The following FIP1L1 variants were observed in gnomAD, a reference collection of about 807,000 sequenced individuals.
FIP1L1 encodes pre-mRNA 3'-end-processing factor FIP1.
FIP1L1 carries 21 observed loss-of-function variants against 84.6 expected under a neutral mutation model. The ratio of observed to expected loss-of-function variants is 0.25; its 90% CI spans 0.18 to 0.36. The LOEUF is 0.36. Among genes scored for constraint, FIP1L1 ranks in the 10% least tolerant of loss-of-function variants. The probability of loss-of-function intolerance (pLI) is 1.00; values close to 1 mark genes in which losing one functional copy is unlikely to be tolerated. For synonymous variants in FIP1L1, 263 were observed against 242.3 expected, an observed-to-expected ratio of 1.09 and a Z score of -0.80; for missense variants, 526 against 751.1, an observed-to-expected ratio of 0.70 and a Z score of 3.50.
chr4:53,438,153 A>G (rs1228280088), intron 13 of FIP1L1, among the ~76,000 whole-genome samples: 3 of 152,164 alleles, frequency 2.0e-5, no homozygotes, highest in Non-Finnish European at 4.4e-5. Context: ...CAGGAAAATC[A>G]ACATTTTTTT....
chr4:53,444,749 T>C (rs1225754296), intron 15 of FIP1L1, among the ~76,000 whole-genome samples: 1 of 152,058 alleles, frequency 6.6e-6, no homozygotes, highest in Non-Finnish European at 1.5e-5. Flanking sequence ...GCCGGGCTAA[T>C]TTTGTAGAGA....
chr4:53,414,682 T>G lies in FIP1L1; in HGVS notation c.883T>G (p.Trp295Gly). 1 of 1,613,500 alleles carries G rather than the reference T, an allele frequency of 6.2e-7. No homozygotes were observed. Among genetic ancestry groups the G allele is most frequent in the Non-Finnish European group, 8.5e-7 (1 of 1,179,562 alleles). Residue 295 changes from tryptophan to glycine, a missense_variant, in exon 11 of 18, where the codon TGG (tryptophan) becomes GGG (glycine). Transcript: ENST00000337488. ...AAAAGCCAATTCAAGCGTTGGGAAGTGGCAGGATCGATATGGGAGGGCCGA... is the reference window on the plus strand; with the variant it reads ...AAAAGCCAATTCAAGCGTTGGGAAGGGGCAGGATCGATATGGGAGGGCCGA... Reference protein sequence around the residue: ...SRKANSSVGKWQDRYGRAESP... With the variant: ...SRKANSSVGKGQDRYGRAESP...
intron 15 of FIP1L1, among the ~76,000 whole-genome samples, chr4:53,451,214 G>A (rs775824909): frequency 1.1e-4 from 16 of 150,850 alleles, no homozygotes; most frequent in Non-Finnish European, 1.9e-4. Context: ...CAGGCAATCC[G>A]CCCACCTCTG....
intron 5 of FIP1L1, among the ~76,000 whole-genome samples, 182 bp downstream of exon 5, chr4:53,384,058 CG>C (rs1425597544): frequency 6.6e-6 from 1 of 151,942 alleles, no homozygotes; most frequent in African/African-American, 2.4e-5. Flanking sequence ...ATTGATTAGG[CG>C]AAGGTACATA....
At chr4:53,395,334 G>A (rs1410203964) in intron 9 of FIP1L1, among the ~76,000 whole-genome samples, 1 of 152,132 alleles carries the variant, frequency 6.6e-6, no homozygotes, top group Non-Finnish European at 1.5e-5. Flanking sequence ...AAAAATCTAT[G>A]CCATTTTCCT....
chr4:53,398,687 A>T (rs183792526), intron 9 of FIP1L1, among the ~76,000 whole-genome samples: 18 of 152,350 alleles, frequency 1.2e-4, no homozygotes, highest in Non-Finnish European at 2.1e-4. Context: ...GTTTGATGAT[A>T]ATTTTAAGAT....
intron 11 of FIP1L1, among the ~76,000 whole-genome samples, chr4:53,424,796 T>G (rs1343529520): frequency 6.6e-6 from 1 of 152,110 alleles, no homozygotes; most frequent in Non-Finnish European, 1.5e-5. Flanking sequence ...AGGTCTATAG[T>G]CTTTGGGATT....
rs559867928 is a variant in FIP1L1, at chr4:53,449,042, T to G, written c.1286-3878T>G. On this transcript the variant is annotated intron_variant, in intron 15 of 17. Transcript: ENST00000337488. ...TTTGTAAAGTCTATTTGGGAAATAC[T>G]CTTGCAGATAATGACAGTTTTGCTC... Among the ~76,000 whole-genome samples, 3 of 152,306 alleles carry G rather than the reference T, an allele frequency of 2.0e-5. No individual in the cohort carries two copies. The South Asian group carries it at 6.2e-4, about 32-fold the overall frequency.
chr4:53,377,766 C>T lies in FIP1L1; in HGVS notation c.-73C>T, dbSNP rs1253412298. 2.9e-6 allele frequency: 4 copies of T among 1,378,860 alleles called. No homozygotes were observed. The highest frequency in any genetic ancestry group is 5.6e-5 in the Admixed American group (2 of 35,720). 85.4% of individuals were successfully genotyped at this position (1,378,860 alleles called of 1,614,324 possible). On this transcript the variant is annotated 5_prime_UTR_variant, in exon 1 of 18. Coordinates refer to ENST00000337488, the MANE Select transcript of FIP1L1 (RefSeq NM_030917.4). ...GCGGGTTCGCGCCCTTCTCGCGCCT[C>T]GGGGCTGCGAGGCTGGGGAAGGGGT...
At chr4:53,407,818 C>A (rs1754563204) in intron 10 of FIP1L1, among the ~76,000 whole-genome samples, 2 of 151,890 alleles carry the variant, frequency 1.3e-5, no homozygotes, top group African/African-American at 4.8e-5. Flanking sequence ...GACTGCAACC[C>A]CTGCCTTTTT....
At chr4:53,419,096 C>G (rs1275634934) in intron 11 of FIP1L1, among the ~76,000 whole-genome samples, 3 of 152,068 alleles carry the variant, frequency 2.0e-5, no homozygotes, top group African/African-American at 7.2e-5. Flanking sequence ...CATTTAAAAG[C>G]ATGAAATTAA....
chr4:53,425,291 A>T (rs984668856), intron 11 of FIP1L1, among the ~76,000 whole-genome samples: 4 of 152,058 alleles, frequency 2.6e-5, no homozygotes, highest in African/African-American at 9.7e-5. Context: ...ATCCTTATAA[A>T]CTTTAAAAAG....
chr4:53,426,144 G>A (rs1252065300), intron 12 of FIP1L1, among the ~76,000 whole-genome samples, 179 bp downstream of exon 12: 1 of 152,028 alleles, frequency 6.6e-6, no homozygotes, highest in South Asian at 2.1e-4. Flanking sequence ...TATAATCTCT[G>A]AATCTTTTTT....
intron 12 of FIP1L1, among the ~76,000 whole-genome samples, chr4:53,426,393 A>G (rs1299937820): frequency 6.6e-6 from 1 of 152,118 alleles, no homozygotes; most frequent in Non-Finnish European, 1.5e-5. Context: ...TTCCTTTGGC[A>G]ACCCTGAGTA....
At position 53,391,108 on chromosome 4, in the gene FIP1L1, T is replaced by C. The variant is rs376947009; in HGVS notation, c.605T>C (p.Ile202Thr). 3.1e-6 allele frequency: 5 copies of C among 1,611,378 alleles called. No homozygotes were observed. Among genetic ancestry groups the C allele is most frequent in the South Asian group, 1.1e-5 (1 of 90,406 alleles). ...QKRIRMGLEVIPVTSTTNKIT... is the reference protein window; with the variant it reads ...QKRIRMGLEVTPVTSTTNKIT... Reference sequence around the variant, plus strand: ...AGGATACGAATGGGACTTGAAGTTATACCAGTAACCTCTACTACAAATAAA... The same window carrying C: ...AGGATACGAATGGGACTTGAAGTTACACCAGTAACCTCTACTACAAATAAA... The change falls in exon 8 of 18, where the codon ATA becomes ACA. Residue 202 changes from isoleucine (I) to threonine (T), a missense_variant. Around this residue, in one of 6 missense-constraint regions of FIP1L1, gnomAD observed 169 missense variants for 206.9 expected, o/e 0.82. Coordinates refer to ENST00000337488, the MANE Select transcript of FIP1L1 (RefSeq NM_030917.4).
At chr4:53,438,877 A>G (rs1356598923) in intron 13 of FIP1L1, among the ~76,000 whole-genome samples, 1 of 152,194 alleles carries the variant, frequency 6.6e-6, no homozygotes, top group Non-Finnish European at 1.5e-5. Context: ...AGTAAGCTGT[A>G]GTAAGCCTTA....
chr4:53,391,904 A>G (rs1160874791), intron 9 of FIP1L1, among the ~76,000 whole-genome samples: 2 of 152,224 alleles, frequency 1.3e-5, no homozygotes, highest in Non-Finnish European at 2.9e-5. Context: ...TCTCTATGAC[A>G]CTTATAACAC....
chr4:53,442,550 T>C, intron 13 of FIP1L1, 103 bp from the exon 14 acceptor site: 3 of 760,220 alleles, frequency 3.9e-6, no homozygotes, highest in Admixed American at 4.1e-5. Context: ...GAGAAGCACA[T>C]TCATATCCCC....
chr4:53,408,669 T>A (rs1755233010), intron 10 of FIP1L1, among the ~76,000 whole-genome samples: 1 of 152,222 alleles, frequency 6.6e-6, no homozygotes, highest in African/African-American at 2.4e-5. Flanking sequence ...CATAGTCCCA[T>A]ATTTCTTGGA....
Sources: gnomAD v4.1 joint callset for allele counts (sites outside exome capture counted in the v4.1 genomes callset) on GRCh38, gnomAD v4.1.1 for gene constraint, gnomAD v4.1.1 regional missense constraint, MANE v1.5 for transcripts, NCBI Gene and HGNC (gene_info 2026-07-23, HGNC 2026-07-21) for gene names.